Variants in C3orf20 observed in about 807,000 individuals in gnomAD.
The protein encoded by C3orf20 is family with sequence similarity 149 member C.
In C3orf20, 76 loss-of-function variants were observed where a neutral mutation model predicts 88.3. The observed-to-expected ratio is 0.86, with a 90% CI of 0.72 to 1.04. C3orf20 has a LOEUF of 1.04. Among genes scored for constraint, C3orf20 ranks in the 50% least tolerant of loss-of-function variants. The pLI is 0.00. For synonymous variants in C3orf20, 436 were observed against 437.4 expected (o/e 1.00, Z 0.04); for missense variants, 1,056 against 1,123.3 (o/e 0.94, Z 0.86).
intron 7 of C3orf20, among the ~76,000 whole-genome samples, chr3:14,711,977 G>T (rs1328966217): frequency 1.3e-5 from 2 of 151,538 alleles, no homozygotes; most frequent in South Asian, 2.1e-4. Flanking sequence ...ATTTCCCTAG[G>T]GTTGTCTTGG....
intron 12 of C3orf20, among the ~76,000 whole-genome samples, chr3:14,733,950 G>A (rs910632248): frequency 6.6e-6 from 1 of 152,196 alleles, no homozygotes; most frequent in African/African-American, 2.4e-5. Flanking sequence ...GCCTCCCAAA[G>A]TGCTGGGATT....
chr3:14,769,104 G>A (rs975547042), intron 15 of C3orf20, among the ~76,000 whole-genome samples: 4 of 152,046 alleles, frequency 2.6e-5, no homozygotes, highest in Non-Finnish European at 1.5e-5. Flanking sequence ...GTGCCAAGGC[G>A]CTGAGACCAA....
chr3:14,762,472 T>C (rs187771002), intron 15 of C3orf20, among the ~76,000 whole-genome samples: 1 of 152,342 alleles, frequency 6.6e-6, no homozygotes, highest in African/African-American at 2.4e-5. Context: ...GATTTGAGAA[T>C]GCCTGGGCAG....
At chr3:14,758,105 C>T (rs2035438545) in intron 13 of C3orf20, among the ~76,000 whole-genome samples, 1 of 152,214 alleles carries the variant, frequency 6.6e-6, no homozygotes, top group South Asian at 2.1e-4. Context: ...GGGCACCCAG[C>T]ATGACTCAGA....
At chr3:14,747,668 A>T (rs1351553807) in intron 12 of C3orf20, among the ~76,000 whole-genome samples, 1 of 152,198 alleles carries the variant, frequency 6.6e-6, no homozygotes, top group Non-Finnish European at 1.5e-5. Flanking sequence ...ACCAAAGACA[A>T]TCAGAGTAAG....
At chr3:14,737,064 G>C (rs1388128218) in intron 12 of C3orf20, among the ~76,000 whole-genome samples, 1 of 151,932 alleles carries the variant, frequency 6.6e-6, no homozygotes, top group East Asian at 1.9e-4. Context: ...CCTTTAGTTA[G>C]TGTTGTTTCT....
intron 9 of C3orf20, 143 bp from the exon 10 acceptor site, chr3:14,721,510 G>A (rs981413478): frequency 1.2e-5 from 15 of 1,203,736 alleles, no homozygotes; most frequent in African/African-American, 3.1e-5. Context: ...TCCATGAAGC[G>A]GAATTCTAAC....
rs867669084 is a variant in C3orf20 at position 14,728,477 on chromosome 3, G to A, written c.1729G>A (p.Glu577Lys). Residue 577 changes from glutamate to lysine, a missense_variant, in exon 12 of 17, where the codon GAA (glutamate) becomes AAA (lysine). Physicochemically the swap from Glu to Lys is moderately conservative, Grantham distance 56. Coordinates refer to ENST00000253697, the MANE Select transcript of C3orf20 (RefSeq NM_032137.5). ...TIEYPTKKEE[E>K]EFVRFKMRSR... ...TGAATATCCCACCAAAAAGGAGGAGGAAGAATTTGTTCGGTTCAAGATGAG... is the reference window on the plus strand; with the variant it reads ...TGAATATCCCACCAAAAAGGAGGAGAAAGAATTTGTTCGGTTCAAGATGAG... 1.9e-6 allele frequency: 3 copies of A among 1,614,212 alleles called. No individual in the cohort carries two copies. The highest frequency in any genetic ancestry group is 2.5e-6 in the Non-Finnish European group (3 of 1,180,026).
Position 14,703,199 on chromosome 3 carries a change from G to A in C3orf20, c.815G>A (p.Ser272Asn). ...LHRGVGTPAN[S>N]LEFSDPCPEA... Reference sequence around the variant, plus strand: ...CGAGGAGTGGGAACCCCTGCCAACAGCCTGGAGTTCAGCGACCCCTGCCCT... The same window carrying A: ...CGAGGAGTGGGAACCCCTGCCAACAACCTGGAGTTCAGCGACCCCTGCCCT... Residue 272 changes from serine (S) to asparagine (N), a missense_variant, in exon 6 of 17, where the codon AGC (serine) becomes AAC (asparagine). Ser to Asn is a conservative substitution (Grantham distance 46). Coordinates refer to ENST00000253697, the MANE Select transcript of C3orf20 (RefSeq NM_032137.5). 6.2e-7 allele frequency: 1 copy of A among 1,614,174 alleles called. No homozygotes were observed. The highest frequency in any genetic ancestry group is 1.3e-5 in the African/African-American group (1 of 75,046).
chr3:14,719,560 C>T (rs540861307), intron 9 of C3orf20, among the ~76,000 whole-genome samples: 1 of 152,272 alleles, frequency 6.6e-6, no homozygotes, highest in South Asian at 2.1e-4. Context: ...CCATATCTCT[C>T]TGGGCTACTG....
chr3:14,683,284 G>A, intron 3 of C3orf20, 87 bp downstream of exon 3: 1 of 1,479,740 alleles, frequency 6.8e-7, no homozygotes. Flanking sequence ...GGTGGCAACT[G>A]TGGGTCTGCT....
At chr3:14,769,194 G>C (rs1214774001) in intron 15 of C3orf20, among the ~76,000 whole-genome samples, 3 of 152,050 alleles carry the variant, frequency 2.0e-5, no homozygotes, top group Non-Finnish European at 4.4e-5. Flanking sequence ...AGAGGGGACG[G>C]TGGAGGAAAT....
intron 15 of C3orf20, among the ~76,000 whole-genome samples, chr3:14,766,488 C>T (rs1017410953): frequency 1.3e-5 from 2 of 152,204 alleles, no homozygotes; most frequent in African/African-American, 2.4e-5. Flanking sequence ...ATGCAGAGCT[C>T]GTGAGTCTGC....
chr3:14,736,654 CT>C (rs2034721116), intron 12 of C3orf20, among the ~76,000 whole-genome samples: 1 of 150,874 alleles, frequency 6.6e-6, no homozygotes, highest in Admixed American at 6.7e-5. Context: ...GCAACCTCCA[CT>C]TCCCAGGTTC....
chr3:14,684,208 G>A, intron 3 of C3orf20, 34 bp from the exon 4 acceptor site: 1 of 1,611,642 alleles, frequency 6.2e-7, no homozygotes, highest in Non-Finnish European at 8.5e-7. Flanking sequence ...CCCATGCTAG[G>A]AGGGACACGT....
intron 1 of C3orf20, among the ~76,000 whole-genome samples, chr3:14,680,898 T>C (rs2032052558): frequency 6.6e-6 from 1 of 152,214 alleles, no homozygotes; most frequent in African/African-American, 2.4e-5. Flanking sequence ...CTTTGTCCTG[T>C]GGACTTATCA....
chr3:14,677,969 G>GCCAGCTTCAGTAGTTTC (rs1553608355), intron 1 of C3orf20, among the ~76,000 whole-genome samples: 16 of 150,836 alleles, frequency 1.1e-4, no homozygotes, highest in Non-Finnish European at 1.6e-4. Flanking sequence ...TCCTTTGTTT[G>GCCAGCTTCAGTAGTTTC]CCAACTTCAG....
intron 5 of C3orf20, among the ~76,000 whole-genome samples, chr3:14,698,370 G>T (rs1007012600): frequency 1.3e-5 from 2 of 152,166 alleles, no homozygotes; most frequent in African/African-American, 4.8e-5. Context: ...TGAAGAGTTG[G>T]GTATTTATTG....
In C3orf20 at chr3:14,728,498, A is replaced by T. The variant is rs201062791; in HGVS notation, c.1750A>T (p.Met584Leu). The T allele has an allele frequency of 9.6e-4, 1,552 of 1,614,240 alleles. 12 individuals carry two copies. The South Asian group carries it at 0.011, about 12-fold the overall frequency. The change falls in exon 12 of 17, where the codon ATG becomes TTG. Residue 584 changes from methionine to leucine, a missense_variant. Met to Leu is a conservative substitution (Grantham distance 15). Coordinates refer to ENST00000253697, the MANE Select transcript of C3orf20 (RefSeq NM_032137.5). ...KEEEEFVRFK[M>L]RSRTHPERLP... ...GGAGGAAGAATTTGTTCGGTTCAAG[A>T]TGAGATCCAGAACTCATCCCGAGCG...
Sources: allele counts gnomAD v4.1 joint callset (sites outside exome capture counted in the v4.1 genomes callset), GRCh38; gene constraint gnomAD v4.1.1; transcripts MANE v1.5; gene names NCBI Gene and HGNC (gene_info 2026-07-23, HGNC 2026-07-21).